COMMD1: variants seen among roughly 807,000 people sequenced by gnomAD.
The protein encoded by COMMD1 is COMM domain-containing protein 1.
COMMD1 carries 10 observed loss-of-function variants against 17.2 expected under a neutral mutation model. That is an observed-to-expected ratio of 0.58 (90% CI 0.36 to 0.99). The LOEUF (loss-of-function observed/expected upper bound fraction) is 0.99, where lower values mean the gene tolerates loss of function less well. Ranked by LOEUF, COMMD1 falls within the 50% of genes least tolerant of loss-of-function variation. COMMD1 has a pLI of 0.01. For synonymous variants in COMMD1, 97 were observed against 91.6 expected, an observed-to-expected ratio of 1.06 and a Z score of -0.34; for missense variants, 270 against 231.8, an observed-to-expected ratio of 1.17 and a Z score of -1.07.
intron 1 of COMMD1, among the ~76,000 whole-genome samples, chr2:61,958,375 T>G (rs1004604035): frequency 1.3e-5 from 2 of 151,976 alleles, no homozygotes; most frequent in African/African-American, 4.8e-5. Context: ...CAAGCTATTC[T>G]CCTGCCTCAG....
intron 2 of COMMD1, among the ~76,000 whole-genome samples, chr2:62,030,858 A>G (rs1209347442): frequency 1.3e-5 from 2 of 152,196 alleles, no homozygotes; most frequent in African/African-American, 2.4e-5. Flanking sequence ...TGGTAAAAAT[A>G]CAGTACTCTA....
chr2:62,105,605 C>T (rs1307784239), intron 2 of COMMD1, among the ~76,000 whole-genome samples: 1 of 152,174 alleles, frequency 6.6e-6, no homozygotes. Flanking sequence ...GAGTGGATCA[C>T]CTGAGGTCAG....
At chr2:62,051,425 G>C (rs1573118379) in intron 2 of COMMD1, among the ~76,000 whole-genome samples, 2 of 152,182 alleles carry the variant, frequency 1.3e-5, no homozygotes, top group South Asian at 4.1e-4. Context: ...TGTTATTGCT[G>C]TTCTGAAAAC....
At chr2:62,134,717 A>G (rs1484560309) in intron 2 of COMMD1, among the ~76,000 whole-genome samples, 2 of 152,030 alleles carry the variant, frequency 1.3e-5, no homozygotes, top group African/African-American at 4.8e-5. Context: ...GTTTGAGGCT[A>G]CAGTGAGCTA....
chr2:62,110,319 C>A (rs905302972), intron 2 of COMMD1, among the ~76,000 whole-genome samples: 1 of 152,174 alleles, frequency 6.6e-6, no homozygotes, highest in Non-Finnish European at 1.5e-5. Flanking sequence ...GATCTTCCTG[C>A]CTCAGCCTCC....
In COMMD1 at chr2:62,000,740, G is replaced by C. The variant is rs748583508; in HGVS notation, c.220G>C (p.Ala74Pro). Residue 74 changes from alanine to proline, a missense_variant, in exon 2 of 3, where the codon GCA becomes CCA. Coordinates refer to ENST00000311832, the MANE Select transcript of COMMD1 (RefSeq NM_152516.4). ...SADMDFNQLE[A>P]FLTAQTKKQG... ...AGACATGGATTTCAACCAGCTGGAG[G>C]CATTCTTGACTGCTCAAACCAAAAA... 8 of 1,614,132 alleles carry C rather than the reference G, an allele frequency of 5.0e-6. No individual in the cohort carries two copies. In the South Asian group the frequency reaches 8.8e-5, roughly 18 times the overall value.
At chr2:62,117,759 G>T (rs1672645112) in intron 2 of COMMD1, among the ~76,000 whole-genome samples, 1 of 152,150 alleles carries the variant, frequency 6.6e-6, no homozygotes, top group Non-Finnish European at 1.5e-5. Context: ...TTGCTAAAGT[G>T]TTCCGATTTG....
intron 1 of COMMD1, among the ~76,000 whole-genome samples, chr2:61,942,871 A>G (rs114525264): frequency 0.011 from 1,728 of 152,192 alleles, 37 homozygotes; most frequent in African/African-American, 0.04. Context: ...CTGTAAGTCA[A>G]TCTGGTACCT....
chr2:62,130,368 A>G lies in COMMD1; in HGVS notation c.463-5463A>G, dbSNP rs570602827. Among the ~76,000 whole-genome samples the G allele has an allele frequency of 6.2e-4, 94 of 150,628 alleles. 1 individual carries two copies. Among genetic ancestry groups the G allele is most frequent in the Admixed American group, 1.1e-3 (17 of 15,024 alleles). On this transcript the variant is annotated intron_variant, in intron 2 of 2. Transcript: ENST00000311832. ...TGGCTCACTGCAACCTCCCTCTCCCAGGTTCAAGTGATTCTCCTGCGTCAG... is the reference window on the plus strand; with the variant it reads ...TGGCTCACTGCAACCTCCCTCTCCCGGGTTCAAGTGATTCTCCTGCGTCAG...
chr2:61,913,746 A>T (rs1401319518), intron 1 of COMMD1, among the ~76,000 whole-genome samples: 1 of 136,356 alleles, frequency 7.3e-6, no homozygotes, highest in Non-Finnish European at 1.5e-5. Context: ...CAGTGAGCCA[A>T]GATTGCACCA....
chr2:62,007,613 G>T (rs192366120), intron 2 of COMMD1, among the ~76,000 whole-genome samples: 1 of 152,144 alleles, frequency 6.6e-6, no homozygotes, highest in African/African-American at 2.4e-5. Context: ...ACTTATCATT[G>T]TGTTGCAGTT....
chr2:62,013,828 C>T (rs1244472497), intron 2 of COMMD1, among the ~76,000 whole-genome samples: 1 of 152,138 alleles, frequency 6.6e-6, no homozygotes, highest in Non-Finnish European at 1.5e-5. Flanking sequence ...TAACATACAA[C>T]TTGAGTTTTC....
chr2:62,087,107 G>A (rs1157701961), intron 2 of COMMD1, among the ~76,000 whole-genome samples: 11 of 152,270 alleles, frequency 7.2e-5, no homozygotes, highest in Admixed American at 6.5e-4. Flanking sequence ...ACAGGTGTGA[G>A]TCACTGCACC....
At chr2:62,020,754 C>G (rs1449533861) in intron 2 of COMMD1, among the ~76,000 whole-genome samples, 1 of 152,186 alleles carries the variant, frequency 6.6e-6, no homozygotes, top group African/African-American at 2.4e-5. Context: ...AATCCCAGCA[C>G]TTTGGGAGGC....
chr2:61,946,203 A>T (rs545401364), intron 1 of COMMD1, among the ~76,000 whole-genome samples: 6 of 152,202 alleles, frequency 3.9e-5, no homozygotes, highest in Admixed American at 2.6e-4. Context: ...AAACCTAATT[A>T]AAAAAAATTA....
At chr2:61,975,407 T>C (rs1412581330) in intron 1 of COMMD1, among the ~76,000 whole-genome samples, 2 of 152,164 alleles carry the variant, frequency 1.3e-5, no homozygotes, top group Non-Finnish European at 2.9e-5. Context: ...ATTTTATGCA[T>C]ATGGCAAGAG....
chr2:61,970,145 C>T (rs893770287), intron 1 of COMMD1, among the ~76,000 whole-genome samples: 4 of 151,624 alleles, frequency 2.6e-5, no homozygotes, highest in Admixed American at 1.3e-4. Context: ...GTAATCTTAG[C>T]TACTTGGGAG....
At chr2:61,983,387 T>TC (rs35314219) in intron 1 of COMMD1, among the ~76,000 whole-genome samples, 43,131 of 151,814 alleles carry the variant, frequency 0.28, 7,709 homozygotes, top group African/African-American at 0.51. Flanking sequence ...AGATGGGGTT[T>TC]ACCGTGTTAG....
intron 1 of COMMD1, among the ~76,000 whole-genome samples, chr2:61,975,828 C>T (rs984054198): frequency 1.3e-5 from 2 of 152,152 alleles, no homozygotes; most frequent in Non-Finnish European, 2.9e-5. Context: ...GGTCTAAGAG[C>T]ATACTTCGTA....
Sources: allele counts gnomAD v4.1 joint callset (sites outside exome capture counted in the v4.1 genomes callset), GRCh38; gene constraint gnomAD v4.1.1; transcripts MANE v1.5; gene names NCBI Gene and HGNC (gene_info 2026-07-23, HGNC 2026-07-21).